Variants in TAB2 observed in about 807,000 individuals in gnomAD.
TAB2 encodes TGF-beta activated kinase 1 (MAP3K7) binding protein 2, also known as TGF-beta-activated kinase 1 and MAP3K7-binding protein 2.
In TAB2, 3 loss-of-function variants were observed where a neutral mutation model predicts 65.0. The observed-to-expected ratio is 0.05, with a 90% CI of 0.02 to 0.12. TAB2 has a LOEUF of 0.12. Ranked by LOEUF, TAB2 falls within the 10% of genes least tolerant of loss-of-function variation. The probability of loss-of-function intolerance (pLI) is 1.00; values close to 1 mark genes in which losing one functional copy is unlikely to be tolerated. For missense variants in TAB2, 623 were observed against 840.3 expected, an observed-to-expected ratio of 0.74 and a Z score of 3.20; for synonymous variants, 298 against 285.1, an observed-to-expected ratio of 1.05 and a Z score of -0.46.
intron 6 of TAB2, among the ~76,000 whole-genome samples, chr6:149,399,482 A>G (rs1782292067): frequency 6.6e-6 from 1 of 152,168 alleles, no homozygotes; most frequent in African/African-American, 2.4e-5. Context: ...AAAAATTTGT[A>G]TCATTTAAAA....
At chr6:149,402,175 A>G (rs1257615450) in intron 6 of TAB2, among the ~76,000 whole-genome samples, 1 of 152,050 alleles carries the variant, frequency 6.6e-6, no homozygotes, top group East Asian at 1.9e-4. Flanking sequence ...AATCAACAAG[A>G]TTGACAAACC....
chr6:149,340,484 T>G (rs1185275085), intron 1 of TAB2, among the ~76,000 whole-genome samples: 1 of 152,164 alleles, frequency 6.6e-6, no homozygotes, highest in Non-Finnish European at 1.5e-5. Context: ...ATATGTTTTT[T>G]TAAAAGAGTA....
intron 1 of TAB2, among the ~76,000 whole-genome samples, chr6:149,278,568 T>C (rs1276026901): frequency 6.6e-6 from 1 of 152,160 alleles, no homozygotes; most frequent in Admixed American, 6.5e-5. Flanking sequence ...TTTGAGATAG[T>C]CTTGAAGAAT....
intron 1 of TAB2, among the ~76,000 whole-genome samples, chr6:149,364,633 A>C (rs77002157): frequency 6.6e-6 from 1 of 151,184 alleles, no homozygotes; most frequent in Non-Finnish European, 1.5e-5. Flanking sequence ...TCTCCTGCAT[A>C]CTAGGCACTC....
chr6:149,226,971 G>A (rs190589975), intron 1 of TAB2, among the ~76,000 whole-genome samples: 1 of 152,172 alleles, frequency 6.6e-6, no homozygotes, highest in Non-Finnish European at 1.5e-5. Context: ...TTTCAAAAGG[G>A]TTATTTGGTT....
intron 1 of TAB2, among the ~76,000 whole-genome samples, chr6:149,249,407 G>C (rs1307417324): frequency 6.7e-6 from 1 of 149,792 alleles, no homozygotes; most frequent in East Asian, 1.9e-4. Context: ...GCAAAGGTGT[G>C]CTCTCTCTGT....
Position 149,379,338 on chromosome 6 carries a change from G to T in TAB2, c.1423G>T (p.Ala475Ser). 6.2e-7 allele frequency: 1 copy of T among 1,614,184 alleles called. No homozygotes were observed. Among genetic ancestry groups the T allele is most frequent in the Non-Finnish European group, 8.5e-7 (1 of 1,180,030 alleles). Reference protein sequence around the residue: ...KITVSPNKPPAVSPGVVSPTF... With the variant: ...KITVSPNKPPSVSPGVVSPTF... ...TACAGTCTCTCCCAATAAGCCCCCT[G>T]CAGTTTCACCAGGGGTGGTGTCCCC... Residue 475 changes from alanine to serine, a missense_variant, in exon 3 of 7, where the codon GCA becomes TCA. By Grantham distance (99) the Ala-to-Ser change is moderately conservative (BLOSUM62 1). Coordinates refer to ENST00000637181, the MANE Select transcript of TAB2 (RefSeq NM_001292034.3).
At chr6:149,353,312 C>G (rs972433981) in intron 1 of TAB2, among the ~76,000 whole-genome samples, 3 of 152,134 alleles carry the variant, frequency 2.0e-5, no homozygotes, top group African/African-American at 7.2e-5. Flanking sequence ...CTCTCTTTTA[C>G]TAGGTAACGC....
At chr6:149,387,838 T>G (rs1781855034) in intron 3 of TAB2, among the ~76,000 whole-genome samples, 1 of 152,226 alleles carries the variant, frequency 6.6e-6, no homozygotes, top group Non-Finnish European at 1.5e-5. Context: ...GAGAATTCCA[T>G]GTCAGCAGGA....
intron 3 of TAB2, among the ~76,000 whole-genome samples, chr6:149,393,737 T>G (rs1782073655): frequency 6.6e-6 from 1 of 152,206 alleles, no homozygotes; most frequent in Non-Finnish European, 1.5e-5. Context: ...GGAAAATAAA[T>G]TAGATTATTT....
intron 1 of TAB2, among the ~76,000 whole-genome samples, chr6:149,353,567 G>A (rs953054071): frequency 1.3e-5 from 2 of 152,146 alleles, no homozygotes; most frequent in African/African-American, 4.8e-5. Flanking sequence ...ACCCCTTTAA[G>A]TCTTTGTAAA....
chr6:149,326,409 G>A (rs1779620032), intron 1 of TAB2, among the ~76,000 whole-genome samples: 1 of 152,118 alleles, frequency 6.6e-6, no homozygotes, highest in Non-Finnish European at 1.5e-5. Context: ...TTACACGTGT[G>A]CAGTTTTTAT....
chr6:149,335,482 C>A (rs1779907047), intron 1 of TAB2, among the ~76,000 whole-genome samples: 1 of 152,040 alleles, frequency 6.6e-6, no homozygotes, highest in African/African-American at 2.4e-5. Context: ...AACCTCCCAC[C>A]TTAGCCTCCC....
intron 1 of TAB2, among the ~76,000 whole-genome samples, chr6:149,368,004 G>C (rs529710336): frequency 6.6e-6 from 1 of 152,192 alleles, no homozygotes; most frequent in African/African-American, 2.4e-5. Context: ...CCAAGCACCA[G>C]TATATAGATA....
intron 1 of TAB2, among the ~76,000 whole-genome samples, chr6:149,366,089 G>A (rs926969616): frequency 2.0e-4 from 31 of 152,038 alleles, no homozygotes; most frequent in Admixed American, 1.8e-3. Flanking sequence ...CTTGGGCTTT[G>A]TGTCCATTGG....
At chr6:149,298,998 T>C (rs1278853991) in intron 1 of TAB2, among the ~76,000 whole-genome samples, 1 of 152,244 alleles carries the variant, frequency 6.6e-6, no homozygotes, top group Non-Finnish European at 1.5e-5. Context: ...CAATCCTAAC[T>C]TCTGACTGGG....
intron 2 of TAB2, among the ~76,000 whole-genome samples, chr6:149,372,656 G>T (rs1167788284): frequency 2.0e-5 from 3 of 152,092 alleles, no homozygotes; most frequent in East Asian, 1.9e-4. Context: ...TACTTTGCTT[G>T]CCTGAAACAG....
At chr6:149,260,171 G>C (rs1778122069) in intron 1 of TAB2, among the ~76,000 whole-genome samples, 1 of 152,144 alleles carries the variant, frequency 6.6e-6, no homozygotes, top group Non-Finnish European at 1.5e-5. Flanking sequence ...CCATGTAAAG[G>C]GAGAGGTAAA....
intron 1 of TAB2, among the ~76,000 whole-genome samples, chr6:149,221,659 G>A (rs9498259): frequency 0.05 from 7,532 of 152,118 alleles, 524 homozygotes; most frequent in South Asian, 0.15. Context: ...CTCTTAACTC[G>A]CCAGGTAAAA....
Sources: gnomAD v4.1 joint callset for allele counts (sites outside exome capture counted in the v4.1 genomes callset) on GRCh38, gnomAD v4.1.1 for gene constraint, MANE v1.5 for transcripts, NCBI Gene and HGNC (gene_info 2026-07-23, HGNC 2026-07-21) for gene names.